The following RALYL variants were observed in gnomAD, a reference collection of about 807,000 sequenced individuals.
RALYL encodes RNA-binding Raly-like protein.
RALYL carries 29 observed loss-of-function variants against 35.1 expected under a neutral mutation model. The observed-to-expected ratio is 0.83, with a 90% CI of 0.61 to 1.13. The LOEUF (loss-of-function observed/expected upper bound fraction) is 1.13. Ranked by LOEUF, RALYL falls within the 50% of genes most tolerant of loss-of-function variation. The pLI, the probability that RALYL is intolerant of heterozygous loss-of-function variation, is 0.00. For synonymous variants in RALYL, 120 were observed against 127.6 expected (o/e 0.94, Z 0.40); for missense variants, 359 against 360.4 (o/e 1.00, Z 0.03).
At chr8:84,343,317 AC>A (rs1224143066) in intron 1 of RALYL, among the ~76,000 whole-genome samples, 1 of 152,090 alleles carries the variant, frequency 6.6e-6, no homozygotes, top group Non-Finnish European at 1.5e-5. Context: ...TGCTCTGCTC[AC>A]TTTGAATATC....
chr8:84,784,852 C>T (rs1011757490), intron 3 of RALYL, among the ~76,000 whole-genome samples: 10 of 152,228 alleles, frequency 6.6e-5, no homozygotes, highest in Non-Finnish European at 8.8e-5. Flanking sequence ...ATGCTTCACA[C>T]GAAAATTCAT....
At chr8:84,853,659 T>G (rs976517962) in intron 5 of RALYL, among the ~76,000 whole-genome samples, 8 of 152,216 alleles carry the variant, frequency 5.3e-5, no homozygotes, top group Non-Finnish European at 1.2e-4. Context: ...TTTTTGGCAC[T>G]TGGCTAAGAA....
intron 1 of RALYL, among the ~76,000 whole-genome samples, chr8:84,339,780 T>A (rs1175819506): frequency 6.6e-6 from 1 of 152,030 alleles, no homozygotes; most frequent in Non-Finnish European, 1.5e-5. Context: ...GAAATCGACC[T>A]ATGCCTCTTC....
At chr8:84,860,241 TTG>T (rs1837848396) in intron 5 of RALYL, among the ~76,000 whole-genome samples, 1 of 152,254 alleles carries the variant, frequency 6.6e-6, no homozygotes. Flanking sequence ...TATATTTTGA[TTG>T]TGTTTTAGAG....
intron 1 of RALYL, among the ~76,000 whole-genome samples, chr8:84,304,239 T>G (rs1231655792): frequency 1.3e-5 from 2 of 152,074 alleles, no homozygotes; most frequent in African/African-American, 4.8e-5. Flanking sequence ...TGCCTCAGCC[T>G]CCCGATTAGC....
intron 2 of RALYL, among the ~76,000 whole-genome samples, chr8:84,732,509 T>A (rs1367847884): frequency 6.6e-6 from 1 of 151,782 alleles, no homozygotes; most frequent in African/African-American, 2.4e-5. Context: ...AACTTCAGGG[T>A]CACAAAGAAC....
chr8:84,618,102 C>T (rs905185103), intron 2 of RALYL, among the ~76,000 whole-genome samples: 1 of 151,690 alleles, frequency 6.6e-6, no homozygotes, highest in Non-Finnish European at 1.5e-5. Flanking sequence ...GTGATGCTGG[C>T]CTCATAAAAT....
chr8:84,289,396 G>GA (rs1257476219), intron 1 of RALYL, among the ~76,000 whole-genome samples: 1 of 152,178 alleles, frequency 6.6e-6, no homozygotes, highest in African/African-American at 2.4e-5. Flanking sequence ...CAGGTACGGA[G>GA]TTTTTCCAAG....
chr8:84,841,660 T>C (rs1312068058), intron 4 of RALYL, among the ~76,000 whole-genome samples: 1 of 152,174 alleles, frequency 6.6e-6, no homozygotes, highest in Non-Finnish European at 1.5e-5. Context: ...ATCAACAGAA[T>C]ATACATTCTT....
intron 1 of RALYL, among the ~76,000 whole-genome samples, chr8:84,455,852 A>T (rs1002714664): frequency 1.3e-5 from 2 of 151,988 alleles, no homozygotes; most frequent in African/African-American, 4.8e-5. Flanking sequence ...AACAATTTAC[A>T]TCAGAACTTA....
At chr8:84,644,950 A>T (rs913801067) in intron 2 of RALYL, among the ~76,000 whole-genome samples, 4 of 151,708 alleles carry the variant, frequency 2.6e-5, no homozygotes, top group East Asian at 3.9e-4. Context: ...CAGTTTCCCC[A>T]TGATGGCCAG....
intron 2 of RALYL, among the ~76,000 whole-genome samples, chr8:84,699,630 G>A (rs931890365): frequency 6.6e-6 from 1 of 152,120 alleles, no homozygotes; most frequent in South Asian, 2.1e-4. Context: ...CCTCCCAAAG[G>A]CCCCACCTTT....
At chr8:84,262,751 A>G (rs1003800614) in intron 1 of RALYL, among the ~76,000 whole-genome samples, 14 of 152,114 alleles carry the variant, frequency 9.2e-5, no homozygotes, top group African/African-American at 3.4e-4. Context: ...TAAACTTGGC[A>G]TTACCAAAAA....
chr8:84,814,695 A>G (rs187033735), intron 4 of RALYL, among the ~76,000 whole-genome samples: 124 of 152,328 alleles, frequency 8.1e-4, no homozygotes, highest in African/African-American at 2.9e-3. Context: ...GGAGTTGTGA[A>G]AAGAAGTTGA....
chr8:84,358,002 T>G (rs1462319328), intron 1 of RALYL, among the ~76,000 whole-genome samples: 1 of 151,718 alleles, frequency 6.6e-6, no homozygotes, highest in Non-Finnish European at 1.5e-5. Flanking sequence ...ATGAACATTT[T>G]AATAAGAGAA....
chr8:84,501,891 T>C (rs919895477), intron 1 of RALYL, among the ~76,000 whole-genome samples: 1 of 150,882 alleles, frequency 6.6e-6, no homozygotes, highest in Admixed American at 6.6e-5. Context: ...AAATAATAAA[T>C]TGGGATCTAT....
chr8:84,814,152 TTTGACACA>T (rs778244822), intron 4 of RALYL, among the ~76,000 whole-genome samples: 1 of 152,206 alleles, frequency 6.6e-6, no homozygotes, highest in Non-Finnish European at 1.5e-5. Context: ...TAGCACACTT[TTTGACACA>T]TAAGAATTGC....
intron 1 of RALYL, among the ~76,000 whole-genome samples, chr8:84,440,946 C>T (rs932627239): frequency 6.6e-6 from 1 of 152,038 alleles, no homozygotes; most frequent in East Asian, 1.9e-4. Flanking sequence ...GAAAAAAATC[C>T]TTATTCCCAA....
chr8:84,470,989 A>G (rs2052664691), intron 1 of RALYL, among the ~76,000 whole-genome samples: 1 of 152,204 alleles, frequency 6.6e-6, no homozygotes, highest in African/African-American at 2.4e-5. Flanking sequence ...GTTATATATT[A>G]GAAAGAACAC....
Sources: allele counts gnomAD v4.1 joint callset (sites outside exome capture counted in the v4.1 genomes callset), GRCh38; gene constraint gnomAD v4.1.1; transcripts MANE v1.5; gene names NCBI Gene and HGNC (gene_info 2026-07-23, HGNC 2026-07-21).